Variants in REL observed in about 807,000 individuals in gnomAD.
The protein encoded by REL is REL proto-oncogene, NF-kB subunit.
Under a neutral mutation model 45.9 loss-of-function variants are expected in REL, and 15 were observed. The ratio of observed to expected loss-of-function variants is 0.33; its 90% CI spans 0.22 to 0.50. The LOEUF (loss-of-function observed/expected upper bound fraction) is 0.50. REL is among the 20% of genes least tolerant of loss of function. The pLI is 0.98. For missense variants in REL, 601 were observed against 715.2 expected (o/e 0.84, Z 1.82); for synonymous variants, 239 against 242.1 (o/e 0.99, Z 0.12).
intron 4 of REL, among the ~76,000 whole-genome samples, chr2:60,903,186 C>T (rs1222619455): frequency 6.6e-6 from 1 of 152,166 alleles, no homozygotes; most frequent in Non-Finnish European, 1.5e-5. Flanking sequence ...GTGCTTTATG[C>T]ACACTACTTT....
chr2:60,901,961 A>G (rs1267241779), intron 4 of REL, among the ~76,000 whole-genome samples: 2 of 152,082 alleles, frequency 1.3e-5, no homozygotes, highest in Non-Finnish European at 2.9e-5. Context: ...AATGCTTAAT[A>G]CTCCCTGGCT....
chr2:60,901,744 A>T (rs972955778), intron 4 of REL, among the ~76,000 whole-genome samples: 9 of 152,148 alleles, frequency 5.9e-5, no homozygotes, highest in South Asian at 2.1e-4. Flanking sequence ...CACTGTGTTT[A>T]TAAGGTATTG....
Position 60,922,140 on chromosome 2 carries a change from A to T in REL, c.1369A>T (p.Asn457Tyr). The change falls in exon 10 of 10, where the codon AAC (asparagine) becomes TAC (tyrosine). Residue 457 changes from asparagine to tyrosine, a missense_variant. Coordinates refer to ENST00000394479, the MANE Select transcript of REL (RefSeq NM_001291746.2). ...SADLYGISDP[N>Y]MLSNCSVNMM... The stretch of plus-strand genomic sequence containing the variant: ...AGATTTATATGGTATTTCTGATCCC[A>T]ACATGCTGTCTAATTGTTCTGTGAA... 1 of 1,614,190 alleles carries T rather than the reference A, an allele frequency of 6.2e-7. No homozygotes were observed. Among genetic ancestry groups the T allele is most frequent in the Non-Finnish European group, 8.5e-7 (1 of 1,180,024 alleles).
chr2:60,922,230 C>A lies in REL; in HGVS notation c.1459C>A (p.Leu487Ile). Residue 487 changes from leucine (L) to isoleucine (I), a missense_variant, in exon 10 of 10, where the codon CTT becomes ATT. This residue lies in a region of REL where 334 missense variants were observed against 333.1 expected (regional missense o/e 1.00). Coordinates refer to ENST00000394479, the MANE Select transcript of REL (RefSeq NM_001291746.2). ...TAATCCAAGACTTCTGAGCATGAATCTTGAAAACCCCTCATGTAATTCAGT... is the reference window on the plus strand; with the variant it reads ...TAATCCAAGACTTCTGAGCATGAATATTGAAAACCCCTCATGTAATTCAGT... ...TDNPRLLSMNLENPSCNSVLD... is the reference protein window; with the variant it reads ...TDNPRLLSMNIENPSCNSVLD... The A allele has an allele frequency of 1.2e-6, 2 of 1,614,154 alleles. No homozygotes were observed. The highest frequency in any genetic ancestry group is 2.2e-5 in the South Asian group (2 of 91,076).
Position 60,927,804 on chromosome 2 carries a change from C to T in REL, c.*5269C>T, listed in dbSNP as rs1243451887. Reference sequence around the variant, plus strand: ...TAATTAATTTTTATGTATGTTAACACCCATGTCACCACCATGTTTAGGACA... The same window carrying T: ...TAATTAATTTTTATGTATGTTAACATCCATGTCACCACCATGTTTAGGACA... On this transcript the variant is annotated 3_prime_UTR_variant, in exon 10 of 10. Transcript: ENST00000394479. 4.4e-6 allele frequency: 1 copy of T among 227,770 alleles called. No individual in the cohort carries two copies. Among genetic ancestry groups the T allele is most frequent in the African/African-American group, 2.2e-5 (1 of 44,998 alleles). 14.1% of individuals were successfully genotyped at this position (227,770 alleles called of 1,614,324 possible). A position where few individuals can be genotyped will look rare whatever the true frequency, so the allele number is the denominator to read the frequency against.
In REL at chr2:60,923,476, A is replaced by C. The variant is rs545756266; in HGVS notation, c.*941A>C. 1.9e-4 allele frequency: 43 copies of C among 232,078 alleles called. No individual in the cohort carries two copies. Among genetic ancestry groups the C allele is most frequent in the Non-Finnish European group, 2.2e-4 (26 of 117,398 alleles). The allele number at this position is 232,078 out of a possible 1,614,324, so 14.4% of individuals were successfully genotyped here. A position where few individuals can be genotyped will look rare whatever the true frequency, so the allele number is the denominator to read the frequency against. On this transcript the variant is annotated 3_prime_UTR_variant, in exon 10 of 10. Coordinates refer to ENST00000394479, the MANE Select transcript of REL (RefSeq NM_001291746.2). Reference sequence around the variant, plus strand: ...ATAAAACTGCCTATTTGACATCTCTATCTAGAAATCTAATTAAAGCTCACA... The same window carrying C: ...ATAAAACTGCCTATTTGACATCTCTCTCTAGAAATCTAATTAAAGCTCACA...
At chr2:60,906,893 G>GTA (rs1355849482) in intron 4 of REL, among the ~76,000 whole-genome samples, 2,009 of 121,270 alleles carry the variant, frequency 0.017, 60 homozygotes, top group Admixed American at 0.056. Flanking sequence ...GTGTGTGTGT[G>GTA]TATATATATA....
intron 4 of REL, among the ~76,000 whole-genome samples, chr2:60,902,849 A>G (rs890613577): frequency 1.3e-5 from 2 of 152,128 alleles, no homozygotes; most frequent in African/African-American, 4.8e-5. Flanking sequence ...TCGGCCTTCT[A>G]AAGTGCTGGG....
In REL at chr2:60,881,753, G is replaced by C; in HGVS notation, c.-88G>C. On this transcript the variant is annotated 5_prime_UTR_variant, in exon 1 of 10. Coordinates refer to ENST00000394479, the MANE Select transcript of REL (RefSeq NM_001291746.2). ...GGGGACTGGGGGCCCCGCCGGCAGA[G>C]GTCCCTCGGCCTCCTGACTGACTGA... is the stretch of plus-strand genomic sequence containing the variant. The C allele has an allele frequency of 8.1e-7, 1 of 1,240,970 alleles. No homozygotes were observed. The highest frequency in any genetic ancestry group is 1.1e-6 in the Non-Finnish European group (1 of 887,376). 76.9% of individuals were successfully genotyped at this position (1,240,970 alleles called of 1,614,324 possible).
intron 7 of REL, among the ~76,000 whole-genome samples, chr2:60,919,446 T>C (rs1674071307): frequency 6.6e-6 from 1 of 151,828 alleles, no homozygotes; most frequent in South Asian, 2.1e-4. Context: ...GTTTTTGAGA[T>C]GGAGTCTTGC....
At chr2:60,896,108 T>C (rs1673340996) in intron 3 of REL, among the ~76,000 whole-genome samples, 1 of 152,100 alleles carries the variant, frequency 6.6e-6, no homozygotes, top group South Asian at 2.1e-4. Context: ...GTTCAAGTGA[T>C]TCTCCTGCCT....
In REL at chr2:60,881,726, CGG is replaced by C; in HGVS notation, c.-111_-110del. On this transcript the variant is annotated 5_prime_UTR_variant, in exon 1 of 10. Transcript: ENST00000394479. ...AGAAGGAGGAGGCCTCTAGGGTGGTCGGGGGACTGGGGGCCCCGCCGGCAGAG... is the reference window on the plus strand; with the variant it reads ...AGAAGGAGGAGGCCTCTAGGGTGGTCGGGACTGGGGGCCCCGCCGGCAGAG... 1.2e-6 allele frequency: 1 copy of C among 856,988 alleles called. No individual in the cohort carries two copies. The highest frequency in any genetic ancestry group is 3.0e-5 in the East Asian group (1 of 33,320). The allele number at this position is 856,988 out of a possible 1,614,324, so 53.1% of individuals were successfully genotyped here.
intron 7 of REL, 34 bp downstream of exon 7, chr2:60,918,640 T>A: frequency 7.1e-7 from 1 of 1,413,694 alleles, no homozygotes; most frequent in Non-Finnish European, 1.0e-6. Context: ...TTTATATATT[T>A]CTTGAAGTGG....
chr2:60,900,837 TTAC>T, intron 3 of REL, 152 bp from the exon 4 acceptor site: 1 of 666,366 alleles, frequency 1.5e-6, no homozygotes, highest in Non-Finnish European at 2.5e-6. Context: ...ATCCCACTTC[TTAC>T]TCTCTCATCT....
chr2:60,885,925 C>G (rs1182680692), intron 1 of REL, among the ~76,000 whole-genome samples: 2 of 152,140 alleles, frequency 1.3e-5, no homozygotes, highest in African/African-American at 2.4e-5. Flanking sequence ...AAGGTTATCT[C>G]TATATTGTCA....
rs1322013400 is a variant in REL, at chr2:60,927,650, G to A, written c.*5115G>A. Reference sequence around the variant, plus strand: ...TTTGAATGTCCAATGTGCAAAGCACGATGTTGGAAATTATACAGAGGTGAA... The same window carrying A: ...TTTGAATGTCCAATGTGCAAAGCACAATGTTGGAAATTATACAGAGGTGAA... On this transcript the variant is annotated 3_prime_UTR_variant, in exon 10 of 10. Coordinates refer to ENST00000394479, the MANE Select transcript of REL (RefSeq NM_001291746.2). 1 of 229,980 alleles carries A rather than the reference G, an allele frequency of 4.3e-6. No individual in the cohort carries two copies. Among genetic ancestry groups the A allele is most frequent in the Non-Finnish European group, 8.6e-6 (1 of 115,924 alleles). 14.2% of individuals were successfully genotyped at this position (229,980 alleles called of 1,614,324 possible).
chr2:60,884,736 A>G (rs760253920), intron 1 of REL, among the ~76,000 whole-genome samples: 40 of 152,052 alleles, frequency 2.6e-4, no homozygotes, highest in Non-Finnish European at 4.0e-4. Flanking sequence ...TTTTCTTCAC[A>G]TTTTTCTTAG....
rs758418677 is a variant in REL at position 60,918,618 on chromosome 2, T to C, written c.853+12T>C. The C allele has an allele frequency of 1.9e-6, 3 of 1,570,458 alleles. No homozygotes were observed. The highest frequency in any genetic ancestry group is 2.6e-6 in the Non-Finnish European group (3 of 1,140,464). On this transcript the variant is annotated intron_variant, in intron 7 of 9. Transcript: ENST00000394479. The stretch of plus-strand genomic sequence containing the variant: ...GCCAGATGAAAAAGGTATGACATTT[T>C]GCTGGTAATAATTTATATATTTCTT...
intron 5 of REL, among the ~76,000 whole-genome samples, chr2:60,917,598 T>C (rs558250908): frequency 1.6e-4 from 24 of 148,210 alleles, no homozygotes; most frequent in African/African-American, 5.7e-4. Context: ...GGTGCAGTCA[T>C]GGCTCACTGC....
Sources: allele counts gnomAD v4.1 joint callset (sites outside exome capture counted in the v4.1 genomes callset), GRCh38; gene constraint gnomAD v4.1.1; regional missense constraint gnomAD v4.1.1; transcripts MANE v1.5; gene names NCBI Gene and HGNC (gene_info 2026-07-23, HGNC 2026-07-21).